Variants in MTREX observed in about 807,000 individuals in gnomAD.
The protein encoded by MTREX is Mtr4 exosome RNA helicase.
A neutral mutation model predicts 135.4 loss-of-function variants in MTREX; 76 were observed. The ratio of observed to expected loss-of-function variants is 0.56; its 90% CI spans 0.47 to 0.68. The LOEUF (loss-of-function observed/expected upper bound fraction) is 0.68. Ranked by LOEUF, MTREX falls within the 30% of genes least tolerant of loss-of-function variation. The pLI, the probability that MTREX is intolerant of heterozygous loss-of-function variation, is 0.00. For synonymous variants in MTREX, 404 were observed against 401.6 expected, an observed-to-expected ratio of 1.01 and a Z score of -0.07; for missense variants, 920 against 1,262.1, an observed-to-expected ratio of 0.73 and a Z score of 4.11.
chr5:55,321,246 A>T (rs1407400885), intron 1 of MTREX, among the ~76,000 whole-genome samples: 2 of 152,180 alleles, frequency 1.3e-5, no homozygotes, highest in African/African-American at 4.8e-5. Context: ...TTCTGAAACC[A>T]AAAAGTTTGA....
Position 55,414,245 on chromosome 5 carries a change from T to TG in MTREX, c.2808+7_2808+8insG, listed in dbSNP as rs1491542291. 9.7e-6 allele frequency: 3 copies of TG among 309,360 alleles called. No individual in the cohort carries two copies. Among genetic ancestry groups the TG allele is most frequent in the Non-Finnish European group, 1.3e-5 (3 of 230,992 alleles). 19.2% of individuals were successfully genotyped at this position (309,360 alleles called of 1,614,324 possible). A position where few individuals can be genotyped will look rare whatever the true frequency, so the allele number is the denominator to read the frequency against. On this transcript the variant is annotated splice_region_variant and intron_variant, in intron 24 of 26. Transcript: ENST00000230640. ...ACCACTTCGTCAAATGCAGGTAAGG[T>TG]TTTTTTTTTTTTTTTTTGAACTACA... is the stretch of plus-strand genomic sequence containing the variant.
At chr5:55,411,004 T>C (rs1293037323) in intron 23 of MTREX, among the ~76,000 whole-genome samples, 3 of 152,152 alleles carry the variant, frequency 2.0e-5, no homozygotes, top group Non-Finnish European at 2.9e-5. Context: ...TTAACTCTCC[T>C]CCCCGGTGTT....
At chr5:55,398,785 A>G (rs1274101620) in intron 20 of MTREX, among the ~76,000 whole-genome samples, 1 of 152,182 alleles carries the variant, frequency 6.6e-6, no homozygotes, top group African/African-American at 2.4e-5. Flanking sequence ...CCTGTGCTGT[A>G]TCTGGTGTTG....
At chr5:55,388,521 GTGCAAA>G (rs1750516848) in intron 19 of MTREX, among the ~76,000 whole-genome samples, 1 of 152,056 alleles carries the variant, frequency 6.6e-6, no homozygotes, top group Non-Finnish European at 1.5e-5. Flanking sequence ...CTTTACAGTA[GTGCAAA>G]AGTAATACAT....
At chr5:55,353,422 G>C (rs1314799900) in intron 14 of MTREX, among the ~76,000 whole-genome samples, 153 bp downstream of exon 14, 1 of 152,124 alleles carries the variant, frequency 6.6e-6, no homozygotes, top group Non-Finnish European at 1.5e-5. Flanking sequence ...TTGGCTTTTG[G>C]CCATTTGTGG....
chr5:55,365,365 A>G (rs1750085130), intron 15 of MTREX, among the ~76,000 whole-genome samples: 1 of 152,182 alleles, frequency 6.6e-6, no homozygotes, highest in African/African-American at 2.4e-5. Context: ...CTTACTAACT[A>G]TCCTCCTAAA....
At chr5:55,341,307 A>T (rs1749645210) in intron 6 of MTREX, among the ~76,000 whole-genome samples, 1 of 152,210 alleles carries the variant, frequency 6.6e-6, no homozygotes, top group African/African-American at 2.4e-5. Context: ...TTTAAGTTGT[A>T]CTTATATTTT....
At chr5:55,349,185 C>CTTTTTTTTTTTTTTTTTTTTTTTCTT (rs369214186) in intron 11 of MTREX, among the ~76,000 whole-genome samples, 1 of 128,726 alleles carries the variant, frequency 7.8e-6, no homozygotes, top group Admixed American at 7.8e-5. Context: ...TTTAAAGACT[C>CTTTTTTTTTTTTTTTTTTTTTTTCTT]TTTTTTTTTT....
intron 19 of MTREX, among the ~76,000 whole-genome samples, chr5:55,396,179 T>C (rs1006555857): frequency 3.3e-5 from 5 of 152,138 alleles, no homozygotes; most frequent in Admixed American, 2.0e-4. Context: ...GTCAGTACCA[T>C]GAAAGAGCAA....
chr5:55,356,409 TG>T (rs1161138169), intron 14 of MTREX: 16 of 201,222 alleles, frequency 8.0e-5, no homozygotes, highest in Non-Finnish European at 9.6e-5. Flanking sequence ...ACACGTGGAC[TG>T]GGCATATTTG....
chr5:55,377,830 C>A (rs930722087), intron 16 of MTREX, among the ~76,000 whole-genome samples: 1 of 152,068 alleles, frequency 6.6e-6, no homozygotes, highest in Non-Finnish European at 1.5e-5. Context: ...TTCCTTTCAC[C>A]TGCTGCTTTT....
At chr5:55,354,072 C>T (rs1749871234) in intron 14 of MTREX, among the ~76,000 whole-genome samples, 1 of 152,168 alleles carries the variant, frequency 6.6e-6, no homozygotes, top group Non-Finnish European at 1.5e-5. Flanking sequence ...AATCCCAAGG[C>T]AAGTACTCCA....
At chr5:55,408,546 A>G (rs867911886) in intron 22 of MTREX, among the ~76,000 whole-genome samples, 1 of 152,222 alleles carries the variant, frequency 6.6e-6, no homozygotes, top group African/African-American at 2.4e-5. Flanking sequence ...AGTAAAGATT[A>G]TAATAGTTCA....
chr5:55,378,250 G>A, intron 16 of MTREX, 64 bp from the exon 17 acceptor site: 3 of 1,477,888 alleles, frequency 2.0e-6, no homozygotes, highest in Non-Finnish European at 2.7e-6. Flanking sequence ...AAAATCCTAT[G>A]TCTTGGGTAT....
chr5:55,424,631 G>T, intron 26 of MTREX, 89 bp from the exon 27 acceptor site: 2 of 848,666 alleles, frequency 2.4e-6, no homozygotes, highest in South Asian at 2.8e-5. Flanking sequence ...GTTGAATCAG[G>T]GTTGGTATAC....
intron 15 of MTREX, among the ~76,000 whole-genome samples, chr5:55,361,260 A>G (rs977678444): frequency 6.6e-6 from 1 of 152,238 alleles, no homozygotes; most frequent in Non-Finnish European, 1.5e-5. Context: ...AAATTAAAAT[A>G]CGTAGCTTCT....
In MTREX at chr5:55,322,471, T is replaced by C. The variant is rs1749305106; in HGVS notation, c.272+7T>C. 1 of 1,570,298 alleles carries C rather than the reference T, an allele frequency of 6.4e-7. No individual in the cohort carries two copies. The highest frequency in any genetic ancestry group is 8.6e-7 in the Non-Finnish European group (1 of 1,164,164). ...CAATAACTGAAGACTTAAGGTAATA[T>C]TTCCAAAGTCCTAAATGTTAGTAAC... On this transcript the variant is annotated splice_region_variant and intron_variant, in intron 2 of 26. Coordinates refer to ENST00000230640, the MANE Select transcript of MTREX (RefSeq NM_015360.5).
In MTREX at chr5:55,366,878, A is replaced by G. The variant is rs1281447275; in HGVS notation, c.1810+3A>G. On this transcript the variant is annotated splice_donor_region_variant and intron_variant, in intron 16 of 26. Transcript: ENST00000230640. The stretch of plus-strand genomic sequence containing the variant: ...AGCAATTCCAGGAGTAGTAGAGAGT[A>G]AGTATAAAATACCATAACAGAGCTT... The G allele has an allele frequency of 1.9e-6, 3 of 1,599,840 alleles. No individual in the cohort carries two copies. The highest frequency in any genetic ancestry group is 2.2e-5 in the East Asian group (1 of 44,684).
At chr5:55,344,668 A>G (rs2305678) in intron 9 of MTREX, 48 bp downstream of exon 9, 114,372 of 1,053,610 alleles carry the variant, frequency 0.11, 7,489 homozygotes, top group East Asian at 0.27. Context: ...ATACTTTATT[A>G]TTAATATCTT....
Sources: allele counts gnomAD v4.1 joint callset (sites outside exome capture counted in the v4.1 genomes callset), GRCh38; gene constraint gnomAD v4.1.1; transcripts MANE v1.5; gene names NCBI Gene and HGNC (gene_info 2026-07-23, HGNC 2026-07-21).